The following SNF8 variants were observed in gnomAD, a reference collection of about 807,000 sequenced individuals.
SNF8 encodes SNF8 subunit of ESCRT-II.
A neutral mutation model predicts 36.8 loss-of-function variants in SNF8; 19 were observed. The observed-to-expected ratio is 0.52, with a 90% CI of 0.36 to 0.76. The LOEUF (loss-of-function observed/expected upper bound fraction) is 0.76. Among genes scored for constraint, SNF8 ranks in the 30% least tolerant of loss-of-function variants. SNF8 has a pLI of 0.00. For missense variants in SNF8, 268 were observed against 322.9 expected, an observed-to-expected ratio of 0.83 and a Z score of 1.30; for synonymous variants, 127 against 127.4, an observed-to-expected ratio of 1.00 and a Z score of 0.02.
chr17:48,935,142 A>G (rs62075850), intron 5 of SNF8, among the ~76,000 whole-genome samples: 62,376 of 151,816 alleles, frequency 0.41, 15,335 homozygotes, highest in East Asian at 0.71. Flanking sequence ...AAGCTGAGGC[A>G]GGCAGATCAC....
intron 4 of SNF8, 35 bp from the exon 5 acceptor site, chr17:48,936,277 A>G: frequency 6.6e-7 from 1 of 1,523,374 alleles, no homozygotes; most frequent in Non-Finnish European, 9.1e-7. Flanking sequence ...TCAGAAAAAG[A>G]GATTACCCAC....
chr17:48,939,066 G>A (rs1049314680), intron 3 of SNF8, among the ~76,000 whole-genome samples: 3 of 150,620 alleles, frequency 2.0e-5, no homozygotes, highest in Admixed American at 6.7e-5. Flanking sequence ...AGACCAACCC[G>A]GCCAAGATGG....
intron 5 of SNF8, chr17:48,934,460 G>A (rs988326569): frequency 6.4e-5 from 14 of 218,050 alleles, no homozygotes; most frequent in Non-Finnish European, 1.9e-5. Flanking sequence ...AGAACTAGCA[G>A]GGCGCCAGTG....
intron 2 of SNF8, among the ~76,000 whole-genome samples, chr17:48,941,271 C>G (rs563619875): frequency 6.1e-4 from 93 of 152,190 alleles, no homozygotes; most frequent in Non-Finnish European, 1.2e-3. Flanking sequence ...ACTGTTTTCT[C>G]ACTTCCAAAA....
At chr17:48,936,638 A>G (rs2040938097) in intron 4 of SNF8, 1 of 321,376 alleles carries the variant, frequency 3.1e-6, no homozygotes, top group Non-Finnish European at 5.8e-6. Context: ...TTAAGGTCAC[A>G]TTTTAGGGAA....
rs2040883794 is a variant in SNF8 at position 48,933,150 on chromosome 17, A to G, written c.564+55T>C. On this transcript the variant is annotated intron_variant, in intron 6 of 7. Coordinates refer to ENST00000502492, the MANE Select transcript of SNF8 (RefSeq NM_007241.4). ...GAGCACGAGCTGAGAACTGCTCCAG[A>G]CTTGCCTCACAGACTGTCCCTTGCA... is the stretch of plus-strand genomic sequence containing the variant. 8 of 1,598,520 alleles carry G rather than the reference A, an allele frequency of 5.0e-6. No individual in the cohort carries two copies. The South Asian group carries it at 8.9e-5, about 18-fold the overall frequency.
At chr17:48,944,562 G>A in intron 1 of SNF8, 119 bp downstream of exon 1, 1 of 1,133,906 alleles carries the variant, frequency 8.8e-7, no homozygotes, top group Non-Finnish European at 1.3e-6. Flanking sequence ...GTGTCCCGGG[G>A]CCGAGAAGCC....
chr17:48,938,965 T>C (rs1401724497), intron 3 of SNF8, among the ~76,000 whole-genome samples: 1 of 150,994 alleles, frequency 6.6e-6, no homozygotes, highest in Non-Finnish European at 1.5e-5. Flanking sequence ...TGAGATAAAA[T>C]CAGTCATCTG....
At chr17:48,935,878 C>G (rs118118454) in intron 5 of SNF8, 11,045 of 281,730 alleles carry the variant, frequency 0.039, 319 homozygotes, top group Non-Finnish European at 0.054. Context: ...ATAATCCCAA[C>G]TACTTGGGAG....
chr17:48,935,090 G>A (rs2040915141), intron 5 of SNF8, among the ~76,000 whole-genome samples: 1 of 152,130 alleles, frequency 6.6e-6, no homozygotes, highest in African/African-American at 2.4e-5. Context: ...TACAGCCCTG[G>A]CCAGCCGTGG....
chr17:48,933,365 G>A lies in SNF8; in HGVS notation c.423-19C>T. ...GTCATCTCTGAGGTAAGGAAGAGTT[G>A]CTTAACGACCCTTGGCAGAATCAGA... On this transcript the variant is annotated intron_variant, in intron 5 of 7. Coordinates refer to ENST00000502492, the MANE Select transcript of SNF8 (RefSeq NM_007241.4). The A allele has an allele frequency of 6.2e-7, 1 of 1,613,964 alleles. No individual in the cohort carries two copies.
rs769634158 is a variant in SNF8 at position 48,933,242 on chromosome 17, A to C, written c.527T>G (p.Leu176Arg). 12 of 1,614,014 alleles carry C rather than the reference A, an allele frequency of 7.4e-6. No homozygotes were observed. Among genetic ancestry groups the C allele is most frequent in the Non-Finnish European group, 1.0e-5 (12 of 1,180,020 alleles). The change falls in exon 6 of 8, where the codon CTC becomes CGC. Residue 176 changes from leucine (L) to arginine (R), a missense_variant. By Grantham distance (102) the Leu-to-Arg change is moderately radical (BLOSUM62 -2). Transcript: ENST00000502492. Reference protein sequence around the residue: ...TYLIQSVPAELNMDHTVVLQL... With the variant: ...TYLIQSVPAERNMDHTVVLQL... Reference sequence around the variant, plus strand: ...CAGCACCACGGTGTGATCCATATTGAGCTCAGCTGGAACAGACTGAATGAG... The same window carrying C: ...CAGCACCACGGTGTGATCCATATTGCGCTCAGCTGGAACAGACTGAATGAG...
At position 48,930,149 on chromosome 17, in the gene SNF8, CTA is replaced by C. The variant is rs1174740177; in HGVS notation, c.*324_*325del. 7 of 191,870 alleles carry C rather than the reference CTA, an allele frequency of 3.6e-5. No homozygotes were observed. The highest frequency in any genetic ancestry group is 3.0e-4 in the South Asian group (2 of 6,578). 11.9% of individuals were successfully genotyped at this position (191,870 alleles called of 1,614,324 possible). On this transcript the variant is annotated 3_prime_UTR_variant, in exon 8 of 8. Coordinates refer to ENST00000502492, the MANE Select transcript of SNF8 (RefSeq NM_007241.4). ...GGTTTGAATTAGCATAGGCTGTAAT[CTA>C]TGTCTCACAGCTACAAAGACTAGAC...
chr17:48,933,138 G>A, intron 6 of SNF8, 67 bp downstream of exon 6: 1 of 1,574,410 alleles, frequency 6.4e-7, no homozygotes, highest in African/African-American at 1.3e-5. Flanking sequence ...CACGAGCTGA[G>A]AACTGCTCCA....
chr17:48,933,357 G>A lies in SNF8; in HGVS notation c.423-11C>T. ...CTGATCAGGTCATCTCTGAGGTAAG[G>A]AAGAGTTGCTTAACGACCCTTGGCA... On this transcript the variant is annotated splice_polypyrimidine_tract_variant and intron_variant, in intron 5 of 7. Transcript: ENST00000502492. The A allele has an allele frequency of 6.2e-7, 1 of 1,614,142 alleles. No individual in the cohort carries two copies. Among genetic ancestry groups the A allele is most frequent in the Non-Finnish European group, 8.5e-7 (1 of 1,179,984 alleles).
intron 4 of SNF8, 44 bp downstream of exon 4, chr17:48,936,976 C>G: frequency 1.5e-6 from 2 of 1,369,374 alleles, no homozygotes; most frequent in Non-Finnish European, 2.1e-6. Flanking sequence ...TTCTCCCTCT[C>G]AGAGAAGTCC....
rs1031144773 is a variant in SNF8 at position 48,943,525 on chromosome 17, T to C, written c.105+400A>G. Among the ~76,000 whole-genome samples the C allele has an allele frequency of 3.7e-4, 56 of 152,200 alleles. 1 individual carries two copies. The highest frequency in any genetic ancestry group is 3.4e-3 in the Middle Eastern group (1 of 294). ...CGGGAGGCTGAGGTTGGAGAATCAC[T>C]TGAACCCAGGAAACGGAGGCTGCAG... On this transcript the variant is annotated intron_variant, in intron 2 of 7. Transcript: ENST00000502492.
intron 4 of SNF8, chr17:48,936,752 T>C: frequency 2.0e-6 from 1 of 506,726 alleles, no homozygotes; most frequent in Non-Finnish European, 3.5e-6. Flanking sequence ...GGAAAAGGCC[T>C]ACTTCCTACC....
chr17:48,929,417 T>A lies in SNF8; in HGVS notation c.*1058A>T, dbSNP rs1168798945. On this transcript the variant is annotated 3_prime_UTR_variant, in exon 8 of 8. Transcript: ENST00000502492. ...AAGGGTCTCAGTATGGAAAAACCAT[T>A]GAGTTTTCAGATTTCCAGTACTAAA... 1 of 152,150 alleles carries A rather than the reference T, an allele frequency of 6.6e-6. No individual in the cohort carries two copies. Among genetic ancestry groups the A allele is most frequent in the African/African-American group, 2.4e-5 (1 of 41,430 alleles). 9.4% of individuals were successfully genotyped at this position (152,150 alleles called of 1,614,324 possible).
Sources: allele counts gnomAD v4.1 joint callset (sites outside exome capture counted in the v4.1 genomes callset), GRCh38; gene constraint gnomAD v4.1.1; transcripts MANE v1.5; gene names NCBI Gene and HGNC (gene_info 2026-07-23, HGNC 2026-07-21).